Variants in SNTG1 observed in about 807,000 individuals in gnomAD.
SNTG1 encodes gamma-1-syntrophin.
A neutral mutation model predicts 74.7 loss-of-function variants in SNTG1; 39 were observed. The ratio of observed to expected loss-of-function variants is 0.52; its 90% CI spans 0.40 to 0.68. The LOEUF (loss-of-function observed/expected upper bound fraction) is 0.68, where lower values mean the gene tolerates loss of function less well. Ranked by LOEUF, SNTG1 falls within the 30% of genes least tolerant of loss-of-function variation. The pLI is 0.00. For missense variants in SNTG1, 685 were observed against 609.5 expected, an observed-to-expected ratio of 1.12 and a Z score of -1.30; for synonymous variants, 254 against 217.1, an observed-to-expected ratio of 1.17 and a Z score of -1.49.
intron 8 of SNTG1, among the ~76,000 whole-genome samples, chr8:50,481,235 G>A (rs1396838021): frequency 2.0e-5 from 3 of 152,112 alleles, no homozygotes; most frequent in Non-Finnish European, 4.4e-5. Flanking sequence ...ACAAAAATTA[G>A]CCGGGTATGG....
intron 2 of SNTG1, among the ~76,000 whole-genome samples, chr8:50,246,006 G>A (rs543904640): frequency 6.6e-6 from 1 of 151,840 alleles, no homozygotes; most frequent in African/African-American, 2.4e-5. Context: ...ATAATAGCCA[G>A]ATGAAGGCTT....
At chr8:50,041,380 A>C (rs1818628051) in intron 1 of SNTG1, among the ~76,000 whole-genome samples, 1 of 152,184 alleles carries the variant, frequency 6.6e-6, no homozygotes, top group Non-Finnish European at 1.5e-5. Flanking sequence ...AAACATATTT[A>C]ATAAATTAAC....
chr8:49,925,280 A>C (rs1806920675), intron 1 of SNTG1, among the ~76,000 whole-genome samples: 1 of 152,216 alleles, frequency 6.6e-6, no homozygotes, highest in Admixed American at 6.5e-5. Context: ...TGCAGACATA[A>C]ATTTCTCATG....
chr8:50,363,503 C>T (rs1404653865), intron 2 of SNTG1, among the ~76,000 whole-genome samples: 1 of 151,646 alleles, frequency 6.6e-6, no homozygotes, highest in Non-Finnish European at 1.5e-5. Context: ...GGGAAAATCA[C>T]TTCAGGGTGT....
intron 9 of SNTG1, among the ~76,000 whole-genome samples, chr8:50,508,771 GT>G (rs1322027920): frequency 5.3e-5 from 8 of 152,034 alleles, no homozygotes; most frequent in African/African-American, 1.9e-4. Context: ...GGGATTGTTT[GT>G]TTTTTTCTTG....
intron 2 of SNTG1, among the ~76,000 whole-genome samples, chr8:50,285,275 A>G (rs539627059): frequency 9.2e-5 from 14 of 152,114 alleles, no homozygotes; most frequent in Non-Finnish European, 1.3e-4. Context: ...CACACTGCCA[A>G]TGGTTTCCTA....
chr8:50,086,081 T>C (rs1822858092), intron 1 of SNTG1, among the ~76,000 whole-genome samples: 1 of 152,034 alleles, frequency 6.6e-6, no homozygotes, highest in Non-Finnish European at 1.5e-5. Flanking sequence ...ACTATGTCCA[T>C]ACAAGCTTTC....
chr8:50,093,705 G>A (rs968927948), intron 1 of SNTG1, among the ~76,000 whole-genome samples: 1 of 152,066 alleles, frequency 6.6e-6, no homozygotes, highest in African/African-American at 2.4e-5. Context: ...AAAGTATAGG[G>A]GCAGTTGGCT....
At chr8:50,031,228 G>A (rs1817715824) in intron 1 of SNTG1, among the ~76,000 whole-genome samples, 1 of 151,368 alleles carries the variant, frequency 6.6e-6, no homozygotes, top group South Asian at 2.1e-4. Context: ...GATCATTTTA[G>A]GTCCTTAAGC....
chr8:50,339,075 A>G (rs913483595), intron 2 of SNTG1, among the ~76,000 whole-genome samples: 1 of 152,146 alleles, frequency 6.6e-6, no homozygotes, highest in Non-Finnish European at 1.5e-5. Context: ...TTAGAGAGGT[A>G]TAAGTATAGG....
chr8:50,738,382 A>G (rs1247603334), intron 17 of SNTG1, among the ~76,000 whole-genome samples: 2 of 152,194 alleles, frequency 1.3e-5, no homozygotes, highest in Admixed American at 1.3e-4. Flanking sequence ...AAAGAGAACT[A>G]GAAACCACTG....
At chr8:49,993,553 C>T (rs1813890080) in intron 1 of SNTG1, among the ~76,000 whole-genome samples, 1 of 152,258 alleles carries the variant, frequency 6.6e-6, no homozygotes, top group South Asian at 2.1e-4. Flanking sequence ...GCTCTCCTCT[C>T]CTTCCCTCCC....
chr8:49,974,206 T>C (rs1277984178), intron 1 of SNTG1, among the ~76,000 whole-genome samples: 1 of 152,206 alleles, frequency 6.6e-6, no homozygotes, highest in African/African-American at 2.4e-5. Flanking sequence ...CCGATAAAAT[T>C]AATTCCCAAA....
At chr8:50,186,914 T>C (rs1210248668) in intron 2 of SNTG1, among the ~76,000 whole-genome samples, 2 of 152,132 alleles carry the variant, frequency 1.3e-5, no homozygotes, top group Non-Finnish European at 2.9e-5. Context: ...ATTTTGGCTT[T>C]TGTTGCAATT....
intron 1 of SNTG1, among the ~76,000 whole-genome samples, chr8:50,053,000 C>T (rs961587658): frequency 1.3e-5 from 2 of 152,096 alleles, no homozygotes; most frequent in African/African-American, 2.4e-5. Context: ...AAAACCTTTG[C>T]TAATACCTTA....
At chr8:49,999,612 A>C (rs1195165474) in intron 1 of SNTG1, among the ~76,000 whole-genome samples, 2 of 151,768 alleles carry the variant, frequency 1.3e-5, no homozygotes, top group Non-Finnish European at 1.5e-5. Context: ...AGTGCTTTGC[A>C]CCTGCGATTC....
At chr8:50,344,375 T>C (rs2091411489) in intron 2 of SNTG1, among the ~76,000 whole-genome samples, 1 of 152,080 alleles carries the variant, frequency 6.6e-6, no homozygotes, top group Non-Finnish European at 1.5e-5. Flanking sequence ...TGCTCCATGG[T>C]TGGTAGCTGG....
chr8:50,749,302 G>A (rs1012281181), intron 17 of SNTG1, among the ~76,000 whole-genome samples: 2 of 152,028 alleles, frequency 1.3e-5, no homozygotes, highest in Non-Finnish European at 2.9e-5. Flanking sequence ...TGAAGAAGCT[G>A]AAGAAGAAAA....
intron 13 of SNTG1, among the ~76,000 whole-genome samples, chr8:50,611,749 T>A (rs2094851344): frequency 6.6e-6 from 1 of 152,028 alleles, no homozygotes; most frequent in South Asian, 2.1e-4. Flanking sequence ...ACGGAGAGAC[T>A]CCGTTTTTTA....
Sources: gnomAD v4.1 joint callset for allele counts (sites outside exome capture counted in the v4.1 genomes callset) on GRCh38, gnomAD v4.1.1 for gene constraint, MANE v1.5 for transcripts, NCBI Gene and HGNC (gene_info 2026-07-23, HGNC 2026-07-21) for gene names.